Variants in IGSF11 observed in about 807,000 individuals in gnomAD.
IGSF11 encodes immunoglobulin superfamily member 11, also known as CXADR like 1.
In IGSF11, 22 loss-of-function variants were observed where a neutral mutation model predicts 41.0. The observed-to-expected ratio is 0.54, with a 90% confidence interval of 0.38 to 0.77. IGSF11 has a LOEUF of 0.77. Ranked by LOEUF, IGSF11 falls within the 30% of genes least tolerant of loss-of-function variation. The pLI, the probability that IGSF11 is intolerant of heterozygous loss-of-function variation, is 0.00. For missense variants in IGSF11, 444 were observed against 530.8 expected (o/e 0.84, Z 1.61); for synonymous variants, 219 against 201.3 (o/e 1.09, Z -0.74).
chr3:118,966,720 A>G (rs1360455859), intron 1 of IGSF11, among the ~76,000 whole-genome samples: 2 of 152,242 alleles, frequency 1.3e-5, no homozygotes, highest in East Asian at 1.9e-4. Context: ...GATCACTTTA[A>G]TAAGGGTTAG....
chr3:118,957,547 C>A (rs957924003), intron 1 of IGSF11, among the ~76,000 whole-genome samples: 1 of 152,158 alleles, frequency 6.6e-6, no homozygotes, highest in African/African-American at 2.4e-5. Flanking sequence ...TTATCAGAAT[C>A]AAATTTTGAA....
At chr3:119,007,756 C>A (rs536551685) in intron 1 of IGSF11, among the ~76,000 whole-genome samples, 1 of 152,284 alleles carries the variant, frequency 6.6e-6, no homozygotes, top group African/African-American at 2.4e-5. Context: ...TTTCCCTTTT[C>A]TTTGGTCCCT....
At chr3:119,089,656 T>C (rs2076731994) in intron 1 of IGSF11, among the ~76,000 whole-genome samples, 2 of 152,152 alleles carry the variant, frequency 1.3e-5, no homozygotes, top group South Asian at 4.1e-4. Context: ...GCTAATGATA[T>C]AATTCTATAC....
At chr3:118,914,067 C>T (rs1940711771) in intron 4 of IGSF11, among the ~76,000 whole-genome samples, 1 of 151,752 alleles carries the variant, frequency 6.6e-6, no homozygotes, top group Non-Finnish European at 1.5e-5. Context: ...TTTTTTTTTA[C>T]TTCTAGACTA....
chr3:119,107,691 G>T (rs1292402996), upstream of IGSF11, among the ~76,000 whole-genome samples: 1 of 152,082 alleles, frequency 6.6e-6, no homozygotes, highest in African/African-American at 2.4e-5. Flanking sequence ...GTAATGCCTA[G>T]GTTTTCTTCT....
chr3:119,025,983 A>G (rs1336327289), intron 1 of IGSF11, among the ~76,000 whole-genome samples: 2 of 152,130 alleles, frequency 1.3e-5, no homozygotes, highest in Non-Finnish European at 2.9e-5. Context: ...TAAGATGCCT[A>G]TATTAGGCTG....
At chr3:119,132,610 C>T (rs551256729) in intron 1 of IGSF11, among the ~76,000 whole-genome samples, 50 of 152,112 alleles carry the variant, frequency 3.3e-4, no homozygotes, top group Non-Finnish European at 6.0e-4. Flanking sequence ...TAGACTCCCG[C>T]ATAATAATAA....
At chr3:119,016,695 G>A (rs913230252) in intron 1 of IGSF11, among the ~76,000 whole-genome samples, 2 of 152,216 alleles carry the variant, frequency 1.3e-5, no homozygotes, top group African/African-American at 2.4e-5. Flanking sequence ...TTTAACCCAC[G>A]TTACTTCCTA....
chr3:119,126,791 T>C (rs1226621315), intron 1 of IGSF11, among the ~76,000 whole-genome samples: 1 of 151,768 alleles, frequency 6.6e-6, no homozygotes, highest in African/African-American at 2.4e-5. Flanking sequence ...GGGACCTGAC[T>C]ATTGAAAGAA....
At chr3:119,013,411 T>C (rs1938353632) in intron 1 of IGSF11, among the ~76,000 whole-genome samples, 1 of 152,240 alleles carries the variant, frequency 6.6e-6, no homozygotes, top group Non-Finnish European at 1.5e-5. Flanking sequence ...CTCACTTGTT[T>C]GGTTATTGCT....
At chr3:119,021,253 A>G (rs1288236201) in intron 1 of IGSF11, among the ~76,000 whole-genome samples, 1 of 152,182 alleles carries the variant, frequency 6.6e-6, no homozygotes, top group Non-Finnish European at 1.5e-5. Context: ...AAATTACTAT[A>G]TAATAGAAAA....
At chr3:118,949,687 C>T (rs1368832899) in intron 1 of IGSF11, among the ~76,000 whole-genome samples, 2 of 152,284 alleles carry the variant, frequency 1.3e-5, no homozygotes, top group African/African-American at 2.4e-5. Flanking sequence ...TCATTTTACA[C>T]ACAAAATAAG....
At chr3:118,935,401 CACACACAT>C in intron 1 of IGSF11, among the ~76,000 whole-genome samples, 1 of 141,542 alleles carries the variant, frequency 7.1e-6, no homozygotes, top group Admixed American at 7.3e-5. Flanking sequence ...CACACATACA[CACACACAT>C]ATACATACGT....
At chr3:119,095,801 G>C (rs2076840219) in intron 1 of IGSF11, among the ~76,000 whole-genome samples, 1 of 152,158 alleles carries the variant, frequency 6.6e-6, no homozygotes, top group African/African-American at 2.4e-5. Context: ...TTTGGGGGAA[G>C]AAGTTACCTA....
chr3:119,047,868 G>C (rs1941433392), intron 1 of IGSF11, among the ~76,000 whole-genome samples: 2 of 152,072 alleles, frequency 1.3e-5, no homozygotes, highest in Admixed American at 1.3e-4. Context: ...CAACTACATG[G>C]AAACTGAACA....
chr3:118,985,817 A>G (rs1700970946), intron 1 of IGSF11, among the ~76,000 whole-genome samples: 1 of 151,964 alleles, frequency 6.6e-6, no homozygotes, highest in South Asian at 2.1e-4. Context: ...CAGCTTCTTG[A>G]TATGTCTATT....
At chr3:119,093,833 T>C (rs558148457) in intron 1 of IGSF11, among the ~76,000 whole-genome samples, 6 of 152,144 alleles carry the variant, frequency 3.9e-5, no homozygotes, top group Non-Finnish European at 7.3e-5. Context: ...GCACAGATAG[T>C]AGACCCAAAA....
chr3:119,093,571 C>A (rs1299716117), intron 1 of IGSF11, among the ~76,000 whole-genome samples: 1 of 152,182 alleles, frequency 6.6e-6, no homozygotes, highest in African/African-American at 2.4e-5. Flanking sequence ...GTATTGTCCT[C>A]CACATTAATT....
chr3:119,001,235 TTTAA>T (rs1473603229), intron 1 of IGSF11, among the ~76,000 whole-genome samples: 1 of 150,442 alleles, frequency 6.6e-6, no homozygotes, highest in African/African-American at 2.4e-5. Context: ...TTCTTTCTGT[TTTAA>T]TTTTTTTCAT....
Sources: gnomAD v4.1 joint callset for allele counts (sites outside exome capture counted in the v4.1 genomes callset) on GRCh38, gnomAD v4.1.1 for gene constraint, MANE v1.5 for transcripts, NCBI Gene and HGNC (gene_info 2026-07-23, HGNC 2026-07-21) for gene names.